Variants in SEMA5B observed in about 807,000 individuals in gnomAD.
SEMA5B encodes the protein semaphorin-5B.
A neutral mutation model predicts 135.0 loss-of-function variants in SEMA5B; 66 were observed. The observed-to-expected ratio is 0.49, with a 90% CI of 0.40 to 0.60. SEMA5B has a LOEUF of 0.60. Ranked by LOEUF, SEMA5B falls within the 20% of genes least tolerant of loss-of-function variation. SEMA5B has a pLI of 0.00. For synonymous variants in SEMA5B, 690 were observed against 639.5 expected, an observed-to-expected ratio of 1.08 and a Z score of -1.19; for missense variants, 1,501 against 1,566.3, an observed-to-expected ratio of 0.96 and a Z score of 0.70.
intron 2 of SEMA5B, among the ~76,000 whole-genome samples, chr3:122,955,549 C>T (rs569407686): frequency 6.6e-6 from 1 of 152,296 alleles, no homozygotes; most frequent in South Asian, 2.1e-4. Context: ...ATTTCTAACA[C>T]GTCTGTCTGA....
chr3:122,940,925 G>A (rs1012404901), intron 4 of SEMA5B, among the ~76,000 whole-genome samples: 8 of 152,206 alleles, frequency 5.3e-5, no homozygotes, highest in African/African-American at 1.9e-4. Flanking sequence ...TCTGCTCACA[G>A]CTTTAACAAA....
chr3:122,927,575 T>G (rs865927693), intron 8 of SEMA5B, among the ~76,000 whole-genome samples: 22 of 152,342 alleles, frequency 1.4e-4, no homozygotes, highest in Middle Eastern at 3.4e-3. Context: ...ACCCTCCATC[T>G]GTTCTGTGGC....
At chr3:122,945,118 T>C (rs1367785) in intron 3 of SEMA5B, among the ~76,000 whole-genome samples, 68,062 of 152,072 alleles carry the variant, frequency 0.45, 16,285 homozygotes, top group East Asian at 0.67. Flanking sequence ...CAGGCAAACA[T>C]TTAATCGCTC....
intron 10 of SEMA5B, 23 bp from the exon 11 acceptor site, chr3:122,922,470 G>T: frequency 1.3e-6 from 2 of 1,560,582 alleles, no homozygotes; most frequent in Non-Finnish European, 1.7e-6. Flanking sequence ...GCCAGGTCAC[G>T]CGCGCCCCGG....
At chr3:123,026,630 T>C (rs1942807177) in intron 1 of SEMA5B, among the ~76,000 whole-genome samples, 1 of 152,086 alleles carries the variant, frequency 6.6e-6, no homozygotes, top group African/African-American at 2.4e-5. Context: ...GGGTCCCCGA[T>C]CCCCTCTCCC....
At chr3:122,962,577 A>G (rs1221986001) in intron 1 of SEMA5B, among the ~76,000 whole-genome samples, 1 of 152,246 alleles carries the variant, frequency 6.6e-6, no homozygotes, top group Admixed American at 6.5e-5. Context: ...ACCGGCACAC[A>G]AGGTGATCAT....
intron 2 of SEMA5B, among the ~76,000 whole-genome samples, chr3:122,949,167 T>C (rs1939936953): frequency 6.6e-6 from 1 of 152,188 alleles, no homozygotes; most frequent in Non-Finnish European, 1.5e-5. Flanking sequence ...CAGGATCCTT[T>C]ATATCTTGGC....
chr3:122,950,665 T>A (rs532294458), intron 2 of SEMA5B, among the ~76,000 whole-genome samples: 1 of 152,380 alleles, frequency 6.6e-6, no homozygotes, highest in Admixed American at 6.5e-5. Context: ...GAATTTTACG[T>A]AAGTATCCAT....
chr3:122,933,640 T>A (rs1939091688), intron 5 of SEMA5B, among the ~76,000 whole-genome samples: 1 of 152,156 alleles, frequency 6.6e-6, no homozygotes, highest in Non-Finnish European at 1.5e-5. Flanking sequence ...TTCCTCATCT[T>A]TTCCTCTGTT....
At chr3:123,009,135 G>A (rs905856173) in intron 1 of SEMA5B, among the ~76,000 whole-genome samples, 1 of 152,164 alleles carries the variant, frequency 6.6e-6, no homozygotes, top group Non-Finnish European at 1.5e-5. Flanking sequence ...GGAAATCAAG[G>A]CTCAGTGTTT....
chr3:122,910,399 C>T (rs1413777711), intron 22 of SEMA5B, 98 bp from the exon 23 acceptor site: 4 of 1,286,900 alleles, frequency 3.1e-6, no homozygotes, highest in Non-Finnish European at 3.3e-6. Flanking sequence ...CGTGCAAGAA[C>T]ACTCAGACTG....
intron 1 of SEMA5B, among the ~76,000 whole-genome samples, chr3:123,006,140 G>T (rs1021038961): frequency 1.3e-5 from 2 of 152,222 alleles, no homozygotes; most frequent in Non-Finnish European, 2.9e-5. Context: ...TGGACTAGGA[G>T]TGTCTGCAGC....
chr3:122,921,819 G>A (rs921976380), intron 12 of SEMA5B, 96 bp downstream of exon 12: 75 of 1,027,086 alleles, frequency 7.3e-5, no homozygotes, highest in Non-Finnish European at 9.4e-5. Context: ...AGTGGAGACT[G>A]CAGGGACCGA....
chr3:122,944,865 G>A (rs868191633), intron 3 of SEMA5B, among the ~76,000 whole-genome samples: 4 of 152,200 alleles, frequency 2.6e-5, no homozygotes, highest in Admixed American at 1.3e-4. Flanking sequence ...GCAGTAAGGA[G>A]AGAGCCATGG....
chr3:122,913,847 T>G lies in SEMA5B; in HGVS notation c.2132+11A>C. 6.3e-7 allele frequency: 1 copy of G among 1,594,198 alleles called. No individual in the cohort carries two copies. The highest frequency in any genetic ancestry group is 8.6e-7 in the Non-Finnish European group (1 of 1,169,102). On this transcript the variant is annotated intron_variant, in intron 15 of 22. Transcript: ENST00000357599. ...AGTCTGGGACCTCAGAGCAAGCCTGTTCTCCCTCACCGTTCCTCCCGGCTC... is the reference window on the plus strand; with the variant it reads ...AGTCTGGGACCTCAGAGCAAGCCTGGTCTCCCTCACCGTTCCTCCCGGCTC...
intron 5 of SEMA5B, among the ~76,000 whole-genome samples, chr3:122,932,014 A>G (rs1269470970): frequency 6.6e-6 from 1 of 152,346 alleles, no homozygotes; most frequent in East Asian, 1.9e-4. Flanking sequence ...GATGTCTTTA[A>G]CTGAAAGACA....
chr3:122,967,906 C>T (rs1251593211), intron 1 of SEMA5B, among the ~76,000 whole-genome samples: 1 of 152,222 alleles, frequency 6.6e-6, no homozygotes, highest in African/African-American at 2.4e-5. Context: ...TCTCTTTTGG[C>T]CCAGGGCTCT....
At chr3:122,984,012 C>A (rs1941618097) in intron 1 of SEMA5B, among the ~76,000 whole-genome samples, 1 of 152,176 alleles carries the variant, frequency 6.6e-6, no homozygotes, top group South Asian at 2.1e-4. Context: ...ATTCATCATA[C>A]GCTTCATCAT....
chr3:122,956,125 C>A (rs1940287423), intron 2 of SEMA5B, among the ~76,000 whole-genome samples: 2 of 152,202 alleles, frequency 1.3e-5, no homozygotes, highest in African/African-American at 4.8e-5. Flanking sequence ...GGGCAGGGTG[C>A]TCTAGGAGTG....
Sources: allele counts gnomAD v4.1 joint callset (sites outside exome capture counted in the v4.1 genomes callset), GRCh38; gene constraint gnomAD v4.1.1; transcripts MANE v1.5; gene names NCBI Gene and HGNC (gene_info 2026-07-23, HGNC 2026-07-21).